The following FAM184B variants were observed in gnomAD, a reference collection of about 807,000 sequenced individuals.
FAM184B encodes the protein protein FAM184B.
FAM184B carries 111 observed loss-of-function variants against 135.9 expected under a neutral mutation model. That is an observed-to-expected ratio of 0.82 (90% CI 0.70 to 0.96). The LOEUF is 0.96. Among genes scored for constraint, FAM184B ranks in the 40% least tolerant of loss-of-function variants. FAM184B has a pLI of 0.00. For missense variants in FAM184B, 1,375 were observed against 1,323.9 expected (o/e 1.04, Z -0.60); for synonymous variants, 552 against 524.8 (o/e 1.05, Z -0.71).
At chr4:17,689,513 T>A (rs1716671404) in intron 6 of FAM184B, among the ~76,000 whole-genome samples, 1 of 152,126 alleles carries the variant, frequency 6.6e-6, no homozygotes, top group African/African-American at 2.4e-5. Flanking sequence ...AGCTGTCATT[T>A]TATGAGGGAG....
intron 1 of FAM184B, among the ~76,000 whole-genome samples, chr4:17,718,094 A>T (rs1307918339): frequency 1.3e-5 from 2 of 152,214 alleles, no homozygotes; most frequent in Admixed American, 1.3e-4. Context: ...GCTGAACCTG[A>T]GTCTCAGTTA....
chr4:17,688,490 G>A lies in FAM184B; in HGVS notation c.1530C>T (p.Arg510=). 6 of 1,551,040 alleles carry A rather than the reference G, an allele frequency of 3.9e-6. No homozygotes were observed. Among genetic ancestry groups the A allele is most frequent in the African/African-American group, 1.4e-5 (1 of 73,030 alleles). The change falls in exon 7 of 18, where the codon CGC becomes CGT. Residue 510 remains arginine, a synonymous_variant. Coordinates refer to ENST00000265018, the MANE Select transcript of FAM184B (RefSeq NM_015688.2). ...GGGGACTTTCCTCAGCTCCTGTGGGGCGTGTCTTATTTTGTTGGATAAATT... is the reference window on the plus strand; with the variant it reads ...GGGGACTTTCCTCAGCTCCTGTGGGACGTGTCTTATTTTGTTGGATAAATT... ...LEEFIQQNKT[R]PTGAEESPQE... is the part of the protein sequence containing the mutation.
chr4:17,639,810 G>A (rs1163435301), intron 13 of FAM184B, among the ~76,000 whole-genome samples: 2 of 151,696 alleles, frequency 1.3e-5, no homozygotes, highest in Non-Finnish European at 2.9e-5. Context: ...CAACTACACT[G>A]CAGTGGAAAG....
In FAM184B at chr4:17,682,644, G is replaced by A. The variant is rs183533969; in HGVS notation, c.1596+5780C>T. 2.4e-3 allele frequency among the ~76,000 whole-genome samples: 372 copies of A among 152,148 alleles called. 5 individuals carry two copies. Among genetic ancestry groups the A allele is most frequent in the Non-Finnish European group, 9.3e-4 (63 of 67,990 alleles). On this transcript the variant is annotated intron_variant, in intron 7 of 17. Transcript: ENST00000265018. Reference sequence around the variant, plus strand: ...CTCCCATGCAGCTGGGACTACAGGCGTGTGCCACCATGCCCAGCTAATTTT... The same window carrying A: ...CTCCCATGCAGCTGGGACTACAGGCATGTGCCACCATGCCCAGCTAATTTT...
In FAM184B at chr4:17,652,822, G is replaced by C. The variant is rs765259220; in HGVS notation, c.2191+8C>G. On this transcript the variant is annotated splice_region_variant and intron_variant, in intron 11 of 17. Transcript: ENST00000265018. ...CAGGCCCTCCTCAGTACACTATTGG[G>C]TGTATACCTAGCAGCAGGGCCTGCT... is the stretch of plus-strand genomic sequence containing the variant. The C allele has an allele frequency of 1.1e-5, 17 of 1,550,156 alleles. No individual in the cohort carries two copies. Among genetic ancestry groups the C allele is most frequent in the African/African-American group, 1.4e-5 (1 of 73,018 alleles).
In FAM184B at chr4:17,778,649, G is replaced by A. The variant is rs570461782; in HGVS notation, c.141+2510C>T. On this transcript the variant is annotated intron_variant, in intron 1 of 17. Transcript: ENST00000265018. ...GAGGATTGCTTGAAGCCAGGAGTTCGAGACCAGCTTGGGCAACATGGTGAG... is the reference window on the plus strand; with the variant it reads ...GAGGATTGCTTGAAGCCAGGAGTTCAAGACCAGCTTGGGCAACATGGTGAG... Among the ~76,000 whole-genome samples, 14 of 152,268 alleles carry A rather than the reference G, an allele frequency of 9.2e-5. No individual in the cohort carries two copies. In the South Asian group the frequency reaches 2.7e-3, roughly 29 times the overall value.
In FAM184B at chr4:17,642,216, G is replaced by A. The variant is rs763155024; in HGVS notation, c.2359C>T (p.Pro787Ser). The A allele has an allele frequency of 2.8e-5, 42 of 1,501,928 alleles. No individual in the cohort carries two copies. The highest frequency in any genetic ancestry group is 3.2e-5 in the Non-Finnish European group (36 of 1,134,596). The allele number at this position is 1,501,928 out of a possible 1,614,324, so 93.0% of individuals were successfully genotyped here. A position where few individuals can be genotyped will look rare whatever the true frequency, so the allele number is the denominator to read the frequency against. The change falls in exon 13 of 18, where the codon CCG becomes TCG. Residue 787 changes from proline (P) to serine (S), a missense_variant. By Grantham distance (74) the Pro-to-Ser change is moderately conservative (BLOSUM62 -1). Transcript: ENST00000265018. ...HIIATEERGG[P>S]GQAGSPPGAA... ...CCCGGTGGGGAGCCGGCCTGGCCCG[G>A]GCCGCCCCGCTCCTGAGGAAGGCAA...
At position 17,636,485 on chromosome 4, in the gene FAM184B, G is replaced by A. The variant is rs1250220023; in HGVS notation, c.2784+43C>T. On this transcript the variant is annotated intron_variant, in intron 15 of 17. Transcript: ENST00000265018. ...CGCCCCTCCCGGGGGAGCCCGCAGT[G>A]CCCGGCCAGGTGCGTGGGTGAGGCG... 8.1e-6 allele frequency: 12 copies of A among 1,474,096 alleles called. No homozygotes were observed. The East Asian group carries it at 2.5e-4, about 30-fold the overall frequency. 91.3% of individuals were successfully genotyped at this position (1,474,096 alleles called of 1,614,324 possible). A position where few individuals can be genotyped will look rare whatever the true frequency, so the allele number is the denominator to read the frequency against.
intron 1 of FAM184B, among the ~76,000 whole-genome samples, chr4:17,735,170 G>A (rs181396103): frequency 7.9e-4 from 119 of 151,098 alleles, no homozygotes; most frequent in Non-Finnish European, 1.0e-3. Flanking sequence ...ATCACACTCC[G>A]GGTCCTGTTG....
intron 7 of FAM184B, among the ~76,000 whole-genome samples, chr4:17,666,870 C>T (rs754191046): frequency 6.6e-6 from 1 of 152,010 alleles, no homozygotes; most frequent in Non-Finnish European, 1.5e-5. Flanking sequence ...TGAATAAACA[C>T]AAATATGTCA....
At chr4:17,652,785 C>G (rs759575215) in intron 11 of FAM184B, 45 bp downstream of exon 11, 3 of 1,525,746 alleles carry the variant, frequency 2.0e-6, no homozygotes, top group African/African-American at 1.4e-5. Context: ...ACATGCAGAC[C>G]CTGCAGTTGG....
In FAM184B at chr4:17,658,231, A is replaced by G. The variant is rs994145912; in HGVS notation, c.2037+119T>C. Reference sequence around the variant, plus strand: ...TCTGGAAAAAGGGAATACAATAATAACAATCTGGAAAGATGCTCGGGGGAT... The same window carrying G: ...TCTGGAAAAAGGGAATACAATAATAGCAATCTGGAAAGATGCTCGGGGGAT... On this transcript the variant is annotated intron_variant, in intron 10 of 17. Coordinates refer to ENST00000265018, the MANE Select transcript of FAM184B (RefSeq NM_015688.2). 5.2e-6 allele frequency: 5 copies of G among 953,530 alleles called. No homozygotes were observed. In the African/African-American group the frequency reaches 8.2e-5, roughly 16 times the overall value. 59.1% of individuals were successfully genotyped at this position (953,530 alleles called of 1,614,324 possible).
chr4:17,725,559 C>T (rs954697947), intron 1 of FAM184B, among the ~76,000 whole-genome samples: 2 of 152,158 alleles, frequency 1.3e-5, no homozygotes, highest in Non-Finnish European at 2.9e-5. Flanking sequence ...GTCACGCACA[C>T]TCCTATTAGC....
intron 7 of FAM184B, among the ~76,000 whole-genome samples, chr4:17,677,902 C>T (rs1716349807): frequency 6.6e-6 from 1 of 152,024 alleles, no homozygotes; most frequent in South Asian, 2.1e-4. Context: ...ACCACATAAA[C>T]AATTAAAACA....
intron 1 of FAM184B, among the ~76,000 whole-genome samples, chr4:17,728,008 T>C (rs1416771525): frequency 6.6e-6 from 1 of 152,188 alleles, no homozygotes; most frequent in Non-Finnish European, 1.5e-5. Context: ...CCAGGCATGA[T>C]GGCTCATACT....
intron 1 of FAM184B, among the ~76,000 whole-genome samples, chr4:17,746,718 C>T (rs936861409): frequency 1.2e-4 from 17 of 137,466 alleles, no homozygotes; most frequent in Non-Finnish European, 2.1e-4. Flanking sequence ...GGCGACAGAG[C>T]GAGACACGGT....
At chr4:17,638,661 T>A (rs1433656155) in intron 14 of FAM184B, among the ~76,000 whole-genome samples, 2 of 152,206 alleles carry the variant, frequency 1.3e-5, no homozygotes, top group East Asian at 3.8e-4. Flanking sequence ...GCAATATGTT[T>A]GCATGAGGGA....
intron 1 of FAM184B, among the ~76,000 whole-genome samples, chr4:17,766,549 T>C (rs987856484): frequency 1.2e-4 from 19 of 152,020 alleles, no homozygotes; most frequent in African/African-American, 4.6e-4. Context: ...AGAGTGCTGA[T>C]TGGTGTATTT....
chr4:17,706,055 A>T (rs1368096540), intron 3 of FAM184B, among the ~76,000 whole-genome samples, 164 bp from the exon 4 acceptor site: 2 of 152,202 alleles, frequency 1.3e-5, no homozygotes, highest in Non-Finnish European at 2.9e-5. Context: ...TGGTCAAGGT[A>T]GCAATTCTCA....
Sources: gnomAD v4.1 joint callset for allele counts (sites outside exome capture counted in the v4.1 genomes callset) on GRCh38, gnomAD v4.1.1 for gene constraint, MANE v1.5 for transcripts, NCBI Gene and HGNC (gene_info 2026-07-23, HGNC 2026-07-21) for gene names.